The following GPAM variants were observed in gnomAD, a reference collection of about 807,000 sequenced individuals.
GPAM encodes the protein glycerol-3-phosphate acyltransferase, mitochondrial.
A neutral mutation model predicts 105.0 loss-of-function variants in GPAM; 56 were observed. That is an observed-to-expected ratio of 0.53 (90% CI 0.43 to 0.67). GPAM has a LOEUF of 0.67. GPAM is among the 30% of genes least tolerant of loss of function. The probability of loss-of-function intolerance (pLI) is 0.00; values close to 1 mark genes in which losing one functional copy is unlikely to be tolerated. For missense variants in GPAM, 855 were observed against 989.8 expected (o/e 0.86, Z 1.83); for synonymous variants, 368 against 354.4 (o/e 1.04, Z -0.43).
At chr10:112,156,313 G>C (rs1327952042) in intron 19 of GPAM, 2 of 488,650 alleles carry the variant, frequency 4.1e-6, no homozygotes, top group Non-Finnish European at 7.4e-6. Flanking sequence ...CCACCTAGAA[G>C]AAATTTTCAT....
In GPAM at chr10:112,152,660, G is replaced by A. The variant is rs1216699910; in HGVS notation, c.*890C>T. 2 of 985,210 alleles carry A rather than the reference G, an allele frequency of 2.0e-6. No homozygotes were observed. Among genetic ancestry groups the A allele is most frequent in the African/African-American group, 3.5e-5 (2 of 57,240 alleles). The allele number at this position is 985,210 out of a possible 1,614,324, so 61.0% of individuals were successfully genotyped here. A position where few individuals can be genotyped will look rare whatever the true frequency, so the allele number is the denominator to read the frequency against. On this transcript the variant is annotated 3_prime_UTR_variant, in exon 22 of 22. Coordinates refer to ENST00000348367, the MANE Select transcript of GPAM (RefSeq NM_001244949.2). Reference sequence around the variant, plus strand: ...AAGTTAGGAAAACTGCTATTTGGTTGGAGGATTTCCAAGAAACAGCTGTAC... The same window carrying A: ...AAGTTAGGAAAACTGCTATTTGGTTAGAGGATTTCCAAGAAACAGCTGTAC...
chr10:112,180,412 A>G, intron 4 of GPAM, 61 bp downstream of exon 4: 1 of 1,562,246 alleles, frequency 6.4e-7, no homozygotes, highest in South Asian at 1.1e-5. Flanking sequence ...ACTGCCTACT[A>G]CAAAGTTGGA....
chr10:112,217,439 TG>T (rs1268182933), upstream of GPAM, among the ~76,000 whole-genome samples: 2 of 151,190 alleles, frequency 1.3e-5, no homozygotes, highest in Non-Finnish European at 2.9e-5. Flanking sequence ...ACGTTTTGTT[TG>T]TTTTTTTTTT....
intron 1 of GPAM, among the ~76,000 whole-genome samples, chr10:112,203,001 A>G (rs992394010): frequency 6.6e-6 from 1 of 152,090 alleles, no homozygotes; most frequent in Admixed American, 6.5e-5. Flanking sequence ...AAGGTGGGAG[A>G]ACAATGGACA....
chr10:112,190,191 A>G (rs1176396968), intron 1 of GPAM, among the ~76,000 whole-genome samples: 2 of 152,158 alleles, frequency 1.3e-5, no homozygotes, highest in Non-Finnish European at 2.9e-5. Context: ...TAAAAGAGAG[A>G]GAAAATATCC....
chr10:112,210,814 T>C (rs2133306111), intron 1 of GPAM, among the ~76,000 whole-genome samples: 1 of 152,208 alleles, frequency 6.6e-6, no homozygotes, highest in East Asian at 1.9e-4. Flanking sequence ...GAGCTCACAA[T>C]AGACACTGTG....
At chr10:112,195,456 G>A (rs1847712276) in intron 1 of GPAM, among the ~76,000 whole-genome samples, 1 of 152,062 alleles carries the variant, frequency 6.6e-6, no homozygotes, top group South Asian at 2.1e-4. Context: ...CCTGGCATTT[G>A]CTCTGCCTGC....
intron 1 of GPAM, among the ~76,000 whole-genome samples, chr10:112,197,512 G>T (rs966182628): frequency 5.3e-5 from 7 of 132,570 alleles, no homozygotes; most frequent in Non-Finnish European, 8.0e-5. Context: ...TATACTTTAA[G>T]TTTTAGGGTA....
chr10:112,168,971 T>C lies in GPAM; in HGVS notation c.795-19A>G, dbSNP rs770939697. On this transcript the variant is annotated intron_variant, in intron 9 of 21. Coordinates refer to ENST00000348367, the MANE Select transcript of GPAM (RefSeq NM_001244949.2). Reference sequence around the variant, plus strand: ...CAAGGTACTATAAATTCAGAATACATGAATTATTTACAAAGAAAAATGTAA... The same window carrying C: ...CAAGGTACTATAAATTCAGAATACACGAATTATTTACAAAGAAAAATGTAA... 1.4e-5 allele frequency: 20 copies of C among 1,411,328 alleles called. No homozygotes were observed. The East Asian group carries it at 3.4e-4, about 24-fold the overall frequency. The allele number at this position is 1,411,328 out of a possible 1,614,324, so 87.4% of individuals were successfully genotyped here.
intron 1 of GPAM, among the ~76,000 whole-genome samples, chr10:112,199,334 G>T (rs761561368): frequency 5.3e-5 from 8 of 152,100 alleles, no homozygotes; most frequent in Non-Finnish European, 8.8e-5. Context: ...TTATATGTGG[G>T]ATACAGAAAT....
At chr10:112,192,549 G>T (rs562662476) in intron 1 of GPAM, among the ~76,000 whole-genome samples, 1 of 152,136 alleles carries the variant, frequency 6.6e-6, no homozygotes, top group African/African-American at 2.4e-5. Flanking sequence ...GGAGCCCAGA[G>T]CAGACCTCTC....
At chr10:112,159,832 C>T in intron 17 of GPAM, 79 bp downstream of exon 17, 9 of 1,408,720 alleles carry the variant, frequency 6.4e-6, no homozygotes, top group Non-Finnish European at 9.0e-6. Context: ...CATTATCTAA[C>T]AGAAAAACAC....
chr10:112,166,623 T>G (rs1564677373), intron 11 of GPAM, 108 bp from the exon 12 acceptor site: 1 of 760,026 alleles, frequency 1.3e-6, no homozygotes, highest in Non-Finnish European at 2.4e-6. Context: ...AAGTTCATCT[T>G]GAAGAAGAAC....
Position 112,173,745 on chromosome 10 carries a change from T to G in GPAM, c.514A>C (p.Arg172=), listed in dbSNP as rs763596329. ...AVNKVKKKAK[R]ILQEMVATVS... is the part of the protein sequence containing the mutation. The stretch of plus-strand genomic sequence containing the variant: ...GTGGCAACCATTTCTTGAAGAATCC[T>G]TTTAGCTTTCTTTTTCACTTTGTTA... Residue 172 remains arginine, a synonymous_variant, in exon 7 of 22, where the codon AGG becomes CGG. Transcript: ENST00000348367. 3 of 1,613,686 alleles carry G rather than the reference T, an allele frequency of 1.9e-6. No individual in the cohort carries two copies. The highest frequency in any genetic ancestry group is 2.5e-6 in the Non-Finnish European group (3 of 1,179,694).
chr10:112,191,906 TGGG>T (rs1847663491), intron 1 of GPAM, among the ~76,000 whole-genome samples: 1 of 151,942 alleles, frequency 6.6e-6, no homozygotes, highest in Non-Finnish European at 1.5e-5. Context: ...AGGGTGAAGA[TGGG>T]GGGACTGTGA....
intron 1 of GPAM, among the ~76,000 whole-genome samples, chr10:112,198,656 G>A (rs894055169): frequency 2.0e-5 from 3 of 152,162 alleles, no homozygotes; most frequent in African/African-American, 7.2e-5. Context: ...ATATGATTCA[G>A]CAAGCCCACT....
rs143030419 is a variant in GPAM, at chr10:112,150,933, T to C, written c.*2617A>G. ...TTTACCCTCATGACTTTGTGAAATT[T>C]AACAGATTCCAGAAGGAAGACTCGA... On this transcript the variant is annotated 3_prime_UTR_variant, in exon 22 of 22. Coordinates refer to ENST00000348367, the MANE Select transcript of GPAM (RefSeq NM_001244949.2). The C allele has an allele frequency of 1.2e-3, 1,185 of 985,196 alleles. 44 individuals are homozygous for C. The Admixed American group carries it at 0.062, about 52-fold the overall frequency. The allele number at this position is 985,196 out of a possible 1,614,324, so 61.0% of individuals were successfully genotyped here. A position where few individuals can be genotyped will look rare whatever the true frequency, so the allele number is the denominator to read the frequency against.
chr10:112,193,633 A>G (rs1397663706), intron 1 of GPAM, among the ~76,000 whole-genome samples: 1 of 152,236 alleles, frequency 6.6e-6, no homozygotes. Flanking sequence ...CACACTTTGA[A>G]TTCAGCGTCT....
In GPAM at chr10:112,168,440, C is replaced by T. The variant is rs746034139; in HGVS notation, c.979G>A (p.Ala327Thr). 10 of 1,611,912 alleles carry T rather than the reference C, an allele frequency of 6.2e-6. No homozygotes were observed. The Admixed American group carries it at 6.7e-5, about 11-fold the overall frequency. ...ACAACTGACAAAAGTCCTGCCCGAG[C>T]ACAAGAGGTTTTTCCACTCCTAGAA... is the stretch of plus-strand genomic sequence containing the variant. ...TRSRSGKTSCARAGLLSVVVD... is the reference protein window; with the variant it reads ...TRSRSGKTSCTRAGLLSVVVD... Residue 327 changes from alanine to threonine, a missense_variant, in exon 11 of 22, where the codon GCT becomes ACT. Coordinates refer to ENST00000348367, the MANE Select transcript of GPAM (RefSeq NM_001244949.2).
Sources: gnomAD v4.1 joint callset for allele counts (sites outside exome capture counted in the v4.1 genomes callset) on GRCh38, gnomAD v4.1.1 for gene constraint, MANE v1.5 for transcripts, NCBI Gene and HGNC (gene_info 2026-07-23, HGNC 2026-07-21) for gene names.